Variants in RSPO3 observed in about 807,000 individuals in gnomAD.
RSPO3 encodes the protein R-spondin-3.
In RSPO3, 17 loss-of-function variants were observed where a neutral mutation model predicts 36.5. The observed-to-expected ratio is 0.47, with a 90% confidence interval of 0.32 to 0.70. RSPO3 has a LOEUF of 0.70. Ranked by LOEUF, RSPO3 falls within the 30% of genes least tolerant of loss-of-function variation. The probability of loss-of-function intolerance (pLI) is 0.04; values close to 1 mark genes in which losing one functional copy is unlikely to be tolerated. For missense variants in RSPO3, 294 were observed against 322.5 expected, an observed-to-expected ratio of 0.91 and a Z score of 0.68; for synonymous variants, 108 against 107.0, an observed-to-expected ratio of 1.01 and a Z score of -0.06.
chr6:127,142,153 T>C (rs1454851034), intron 1 of RSPO3, among the ~76,000 whole-genome samples: 1 of 152,188 alleles, frequency 6.6e-6, no homozygotes. Flanking sequence ...ATATCATAGT[T>C]TGATAATCCA....
rs73773198 is a variant in RSPO3 at position 127,132,024 on chromosome 6, T to C, written c.97+12735T>C. On this transcript the variant is annotated intron_variant, in intron 1 of 4. Transcript: ENST00000356698. ...GGGCACTGAAATACCTTTTTGTTAA[T>C]ACAAACCCTTCATATTCTAGCAGGA... Among the ~76,000 whole-genome samples the C allele has an allele frequency of 4.6e-3, 703 of 152,248 alleles. 5 individuals carry two copies. Among genetic ancestry groups the C allele is most frequent in the African/African-American group, 0.016 (657 of 41,572 alleles).
chr6:127,144,120 T>G (rs1774333002), intron 1 of RSPO3, among the ~76,000 whole-genome samples: 1 of 152,202 alleles, frequency 6.6e-6, no homozygotes, highest in Non-Finnish European at 1.5e-5. Flanking sequence ...TATGTATCAG[T>G]GTACACCCTT....
chr6:127,164,417 A>G (rs1774772827), intron 4 of RSPO3, among the ~76,000 whole-genome samples: 1 of 152,128 alleles, frequency 6.6e-6, no homozygotes, highest in African/African-American at 2.4e-5. Context: ...TTTTGAAAAT[A>G]ATTTTAAGTG....
intron 1 of RSPO3, among the ~76,000 whole-genome samples, chr6:127,144,764 G>A (rs1410866551): frequency 6.6e-6 from 1 of 151,322 alleles, no homozygotes; most frequent in Non-Finnish European, 1.5e-5. Context: ...TGGGATTACA[G>A]ACGTGCACCA....
At chr6:127,173,478 G>T (rs1774984051) in intron 4 of RSPO3, among the ~76,000 whole-genome samples, 1 of 151,498 alleles carries the variant, frequency 6.6e-6, no homozygotes, top group African/African-American at 2.4e-5. Context: ...TTTTTAAAAG[G>T]TTGTTAAAAT....
intron 1 of RSPO3, among the ~76,000 whole-genome samples, chr6:127,141,820 G>GGT (rs773125919): frequency 2.0e-5 from 3 of 152,102 alleles, no homozygotes; most frequent in South Asian, 2.1e-4. Context: ...TTTGTATGTA[G>GGT]GTGTGTGTGT....
chr6:127,171,246 AT>A (rs1431301004), intron 4 of RSPO3, among the ~76,000 whole-genome samples: 1 of 151,636 alleles, frequency 6.6e-6, no homozygotes, highest in Non-Finnish European at 1.5e-5. Context: ...AAAGCACAGT[AT>A]TTTTTTCTTA....
intron 3 of RSPO3, among the ~76,000 whole-genome samples, chr6:127,152,362 C>CT (rs1774507151): frequency 6.6e-6 from 1 of 152,090 alleles, no homozygotes; most frequent in Non-Finnish European, 1.5e-5. Context: ...GGCGCCTAGC[C>CT]TGCAGGTACT....
intron 1 of RSPO3, among the ~76,000 whole-genome samples, chr6:127,123,079 G>A (rs1266934179): frequency 6.6e-6 from 1 of 152,012 alleles, no homozygotes; most frequent in Non-Finnish European, 1.5e-5. Context: ...GAATAAAAAG[G>A]AAATAATTTT....
Position 127,118,999 on chromosome 6 carries a change from C to T in RSPO3, c.-194C>T. 1 of 476,358 alleles carries T rather than the reference C, an allele frequency of 2.1e-6. No individual in the cohort carries two copies. The highest frequency in any genetic ancestry group is 3.7e-6 in the Non-Finnish European group (1 of 270,824). The allele number at this position is 476,358 out of a possible 1,614,324, so 29.5% of individuals were successfully genotyped here. A position where few individuals can be genotyped will look rare whatever the true frequency, so the allele number is the denominator to read the frequency against. Reference sequence around the variant, plus strand: ...TCAGTGCTTGGATAATTTGAAAGTACAATAGTTGGTTTCCCTGTCCACCCG... The same window carrying T: ...TCAGTGCTTGGATAATTTGAAAGTATAATAGTTGGTTTCCCTGTCCACCCG... On this transcript the variant is annotated 5_prime_UTR_variant, in exon 1 of 5. The change creates a premature stop within an existing upstream ORF in the 5' untranslated region. Coordinates refer to ENST00000356698, the MANE Select transcript of RSPO3 (RefSeq NM_032784.5).
intron 1 of RSPO3, among the ~76,000 whole-genome samples, chr6:127,125,133 C>A (rs1773914881): frequency 6.6e-6 from 1 of 152,020 alleles, no homozygotes; most frequent in Non-Finnish European, 1.5e-5. Context: ...TAAAATTTTT[C>A]TTGAATTTTT....
chr6:127,167,332 C>A (rs556512103), intron 4 of RSPO3, among the ~76,000 whole-genome samples: 2 of 151,892 alleles, frequency 1.3e-5, no homozygotes, highest in Admixed American at 6.6e-5. Flanking sequence ...TGTGTCCATG[C>A]GTTCTCATCG....
intron 1 of RSPO3, among the ~76,000 whole-genome samples, chr6:127,140,700 A>G (rs114682850): frequency 1.0e-3 from 158 of 152,306 alleles, no homozygotes; most frequent in African/African-American, 3.4e-3. Flanking sequence ...GGCTACATGT[A>G]CTTAGGCTTT....
chr6:127,138,889 G>A (rs931484616), intron 1 of RSPO3, among the ~76,000 whole-genome samples: 1 of 152,084 alleles, frequency 6.6e-6, no homozygotes, highest in Non-Finnish European at 1.5e-5. Flanking sequence ...ATGACAACTA[G>A]GGTTCAAAAC....
chr6:127,154,246 T>G (rs1774548829), intron 3 of RSPO3, among the ~76,000 whole-genome samples: 1 of 152,182 alleles, frequency 6.6e-6, no homozygotes, highest in Admixed American at 6.6e-5. Context: ...TGTGGAAAGA[T>G]AGTCTTAAAT....
rs141558102 is a variant in RSPO3 at position 127,170,434 on chromosome 6, T to TAC, written c.634+15014_634+15015dup. 1.9e-3 allele frequency among the ~76,000 whole-genome samples: 283 copies of TAC among 148,972 alleles called. 1 individual carries two copies. Among genetic ancestry groups the TAC allele is most frequent in the East Asian group, 2.6e-3 (13 of 4,976 alleles). The stretch of plus-strand genomic sequence containing the variant: ...GAAAACAGCATGGTGGTTCCACACA[T>TAC]ACACACACACACACACACAAATATA... On this transcript the variant is annotated intron_variant, in intron 4 of 4. Transcript: ENST00000356698.
At position 127,199,287 on chromosome 6, in the gene RSPO3, T is replaced by C. The variant is rs191762254; in HGVS notation, c.*3280T>C. Among the ~76,000 whole-genome samples the C allele has an allele frequency of 2.9e-4, 44 of 152,270 alleles. No homozygotes were observed. Among genetic ancestry groups the C allele is most frequent in the African/African-American group, 1.1e-3 (44 of 41,566 alleles). ...GTTCTTCATTCAATATAATAATAAA[T>C]ATTTTGTATATAAATGAATATCAAT... is the stretch of plus-strand genomic sequence containing the variant. On this transcript the variant is annotated 3_prime_UTR_variant, in exon 5 of 5. Transcript: ENST00000356698.
chr6:127,144,516 A>G (rs1384345484), intron 1 of RSPO3, among the ~76,000 whole-genome samples: 1 of 152,152 alleles, frequency 6.6e-6, no homozygotes, highest in Admixed American at 6.6e-5. Flanking sequence ...TCTGAAAGCA[A>G]CAGTGAGTGA....
At chr6:127,141,876 CAT>C (rs144647896) in intron 1 of RSPO3, among the ~76,000 whole-genome samples, 2,510 of 152,130 alleles carry the variant, frequency 0.016, 79 homozygotes, top group African/African-American at 0.058. Flanking sequence ...TATATACACA[CAT>C]ATATGTGTGT....
Sources: gnomAD v4.1 joint callset for allele counts (sites outside exome capture counted in the v4.1 genomes callset) on GRCh38, gnomAD v4.1.1 for gene constraint, MANE v1.5 for transcripts, NCBI Gene and HGNC (gene_info 2026-07-23, HGNC 2026-07-21) for gene names.